Variants in SPAG1 observed in about 807,000 individuals in gnomAD.
SPAG1 encodes sperm-associated antigen 1.
A neutral mutation model predicts 100.5 loss-of-function variants in SPAG1; 69 were observed. The observed-to-expected ratio is 0.69, with a 90% CI of 0.57 to 0.84. SPAG1 has a LOEUF of 0.84. Among genes scored for constraint, SPAG1 ranks in the 40% least tolerant of loss-of-function variants. The pLI is 0.00. For missense variants in SPAG1, 955 were observed against 1,133.1 expected (o/e 0.84, Z 2.26); for synonymous variants, 336 against 411.6 (o/e 0.82, Z 2.22).
chr8:100,197,539 A>C (rs545996660), intron 10 of SPAG1, among the ~76,000 whole-genome samples: 1 of 152,306 alleles, frequency 6.6e-6, no homozygotes, highest in South Asian at 2.1e-4. Context: ...CCTTGGACAC[A>C]AGAGAAGCAA....
chr8:100,201,007 AT>A (rs1178639266), intron 10 of SPAG1, among the ~76,000 whole-genome samples: 5 of 151,064 alleles, frequency 3.3e-5, no homozygotes, highest in Non-Finnish European at 5.9e-5. Flanking sequence ...TTTTTTTCAG[AT>A]TTTTTTTCTT....
chr8:100,190,312 C>CAAAA (rs551371158), intron 8 of SPAG1, among the ~76,000 whole-genome samples: 1 of 74,074 alleles, frequency 1.3e-5, no homozygotes, highest in Non-Finnish European at 3.0e-5. Flanking sequence ...GACTCTGTCT[C>CAAAA]AAAAAAAAAA....
chr8:100,186,876 T>C (rs867856674), intron 7 of SPAG1, among the ~76,000 whole-genome samples: 4 of 152,272 alleles, frequency 2.6e-5, no homozygotes, highest in Middle Eastern at 6.8e-3. Context: ...AAACCATTTT[T>C]ATGGGATCTG....
At chr8:100,176,839 CTCTTCTCTCT>C (rs1816146636) in intron 3 of SPAG1, among the ~76,000 whole-genome samples, 1 of 147,988 alleles carries the variant, frequency 6.8e-6, no homozygotes, top group African/African-American at 2.5e-5. Flanking sequence ...CTCTCCTCTC[CTCTTCTCTCT>C]CCTCCCTCTC....
intron 10 of SPAG1, among the ~76,000 whole-genome samples, chr8:100,207,270 G>A (rs1368234517): frequency 1.3e-5 from 2 of 152,168 alleles, no homozygotes; most frequent in East Asian, 3.9e-4. Flanking sequence ...AGCAGGTTCT[G>A]AAGGCACAAA....
intron 10 of SPAG1, among the ~76,000 whole-genome samples, chr8:100,202,114 A>G (rs1376683797): frequency 6.6e-6 from 1 of 152,150 alleles, no homozygotes; most frequent in Non-Finnish European, 1.5e-5. Flanking sequence ...ATCAGAACTT[A>G]ACTGGAAGAT....
chr8:100,240,306 A>C, intron 17 of SPAG1, 97 bp from the exon 18 acceptor site: 5 of 1,179,594 alleles, frequency 4.2e-6, no homozygotes, highest in Non-Finnish European at 6.0e-6. Flanking sequence ...AGTACAGTCT[A>C]CTTGTAGTTT....
chr8:100,199,451 G>T (rs918484183), intron 10 of SPAG1, among the ~76,000 whole-genome samples: 16 of 151,066 alleles, frequency 1.1e-4, no homozygotes, highest in Admixed American at 2.0e-4. Flanking sequence ...CCTTTTTTTT[G>T]TTGTTGTTGT....
At chr8:100,226,433 G>A (rs1818515980) in intron 14 of SPAG1, among the ~76,000 whole-genome samples, 1 of 152,186 alleles carries the variant, frequency 6.6e-6, no homozygotes, top group Non-Finnish European at 1.5e-5. Context: ...AGAAGGCCAG[G>A]TGCAGTGGGT....
intron 7 of SPAG1, among the ~76,000 whole-genome samples, chr8:100,185,887 C>A (rs1317425501): frequency 6.6e-6 from 1 of 152,068 alleles, no homozygotes; most frequent in Non-Finnish European, 1.5e-5. Context: ...GGATGTCAGC[C>A]TTGATAACTG....
chr8:100,162,144 C>T, intron 1 of SPAG1, 135 bp from the exon 2 acceptor site: 2 of 643,454 alleles, frequency 3.1e-6, no homozygotes, highest in Admixed American at 3.5e-5. Context: ...GCCTGGGCAA[C>T]ATAGGGAGAC....
chr8:100,225,520 A>G (rs1818470597), intron 14 of SPAG1, among the ~76,000 whole-genome samples, 181 bp downstream of exon 14: 1 of 152,128 alleles, frequency 6.6e-6, no homozygotes, highest in Non-Finnish European at 1.5e-5. Flanking sequence ...CCCAGGCTGG[A>G]GTGCAGTGGT....
Position 100,162,412 on chromosome 8 carries a change from C to A in SPAG1, c.132C>A (p.Cys44Ter). The change falls in exon 2 of 19, where the codon TGC becomes TGA. Residue 44 changes from cysteine (C) to a stop codon, truncating the protein, a stop_gained. Coordinates refer to ENST00000388798, the MANE Select transcript of SPAG1 (RefSeq NM_003114.5). LOFTEE classifies it high-confidence loss of function. ...TTAAACATCTGGAAAAAATTCTTTG[C>A]GTGCTCAGGTAAGCATTTTAAAATC... is the stretch of plus-strand genomic sequence containing the variant. ...SDVKHLEKIL[C>*]VLRSGEEGYY... is the part of the protein sequence containing the mutation. 2 of 1,577,014 alleles carry A rather than the reference C, an allele frequency of 1.3e-6. No individual in the cohort carries two copies. Among genetic ancestry groups the A allele is most frequent in the Non-Finnish European group, 1.7e-6 (2 of 1,166,572 alleles).
intron 15 of SPAG1, among the ~76,000 whole-genome samples, chr8:100,231,731 G>A (rs1002202232): frequency 5.3e-5 from 8 of 152,276 alleles, no homozygotes; most frequent in East Asian, 1.9e-4. Context: ...AGGCCGAGGC[G>A]GGTGGATCAC....
chr8:100,182,216 C>G (rs183024743), intron 4 of SPAG1, among the ~76,000 whole-genome samples: 1 of 152,294 alleles, frequency 6.6e-6, no homozygotes, highest in African/African-American at 2.4e-5. Context: ...TATTTGTGAG[C>G]ATTATGGCTA....
chr8:100,205,755 G>A (rs533051202), intron 10 of SPAG1, among the ~76,000 whole-genome samples: 1 of 152,120 alleles, frequency 6.6e-6, no homozygotes, highest in African/African-American at 2.4e-5. Flanking sequence ...GGTGGTTCAT[G>A]CCTGTAATCC....
At chr8:100,187,326 GT>G in intron 8 of SPAG1, 76 bp downstream of exon 8, 2 of 1,188,546 alleles carry the variant, frequency 1.7e-6, no homozygotes, top group Non-Finnish European at 1.1e-6. Context: ...TACTTGTAAT[GT>G]TTACATTAAA....
chr8:100,190,358 T>G (rs546871010), intron 8 of SPAG1, among the ~76,000 whole-genome samples: 1 of 152,068 alleles, frequency 6.6e-6, no homozygotes, highest in East Asian at 1.9e-4. Flanking sequence ...TTACCAAACT[T>G]GATTCTTTTT....
intron 3 of SPAG1, among the ~76,000 whole-genome samples, chr8:100,171,520 G>A (rs1228327058): frequency 6.6e-6 from 1 of 152,172 alleles, no homozygotes; most frequent in African/African-American, 2.4e-5. Flanking sequence ...TTTTCAAATA[G>A]ATACAAGGCT....
Sources: allele counts gnomAD v4.1 joint callset (sites outside exome capture counted in the v4.1 genomes callset), GRCh38; gene constraint gnomAD v4.1.1; transcripts MANE v1.5; gene names NCBI Gene and HGNC (gene_info 2026-07-23, HGNC 2026-07-21).